SDK1: variants seen among roughly 807,000 people sequenced by gnomAD.
SDK1 encodes the protein sidekick cell adhesion molecule 1.
SDK1 carries 157 observed loss-of-function variants against 245.5 expected under a neutral mutation model. That is an observed-to-expected ratio of 0.64 (90% confidence interval 0.56 to 0.73). SDK1 has a LOEUF of 0.73. Ranked by LOEUF, SDK1 falls within the 30% of genes least tolerant of loss-of-function variation. The pLI, the probability that SDK1 is intolerant of heterozygous loss-of-function variation, is 0.00. For missense variants in SDK1, 3,583 were observed against 3,002.3 expected, an observed-to-expected ratio of 1.19 and a Z score of -4.52; for synonymous variants, 1,647 against 1,278.5, an observed-to-expected ratio of 1.29 and a Z score of -6.15.
intron 4 of SDK1, among the ~76,000 whole-genome samples, chr7:3,706,681 C>T (rs1193721446): frequency 6.6e-6 from 1 of 152,174 alleles, no homozygotes. Context: ...GGATTATAGG[C>T]GTGAGCCACT....
chr7:3,523,466 T>G lies in SDK1; in HGVS notation c.299-95614T>G, dbSNP rs117542430. 8.5e-3 allele frequency among the ~76,000 whole-genome samples: 1,287 copies of G among 152,224 alleles called. 15 individuals are homozygous for G. Among genetic ancestry groups the G allele is most frequent in the Middle Eastern group, 0.024 (7 of 294 alleles). On this transcript the variant is annotated intron_variant, in intron 1 of 44. Coordinates refer to ENST00000404826, the MANE Select transcript of SDK1 (RefSeq NM_152744.4). The stretch of plus-strand genomic sequence containing the variant: ...GGTAAGTTACCACTGAGTGCTAGAT[T>G]AGTGGATTAAAATGACCTTTCTACC...
chr7:4,188,530 G>T (rs1425296699), intron 35 of SDK1, among the ~76,000 whole-genome samples: 1 of 151,982 alleles, frequency 6.6e-6, no homozygotes, highest in Non-Finnish European at 1.5e-5. Context: ...CAAATACTTT[G>T]TCTTTAATTT....
At chr7:4,198,973 C>T (rs1016113574) in intron 35 of SDK1, among the ~76,000 whole-genome samples, 3 of 152,042 alleles carry the variant, frequency 2.0e-5, no homozygotes, top group African/African-American at 7.2e-5. Flanking sequence ...ACCACCACGC[C>T]TGGCTAATTT....
Position 4,009,018 on chromosome 7 carries a change from C to T in SDK1, c.2132-1948C>T, listed in dbSNP as rs115724983. On this transcript the variant is annotated intron_variant, in intron 14 of 44. Transcript: ENST00000404826. ...TACCATTTTATATTCAGAACAACCG[C>T]GAAATGGGGCGGAATTTCTTCACAT... is the stretch of plus-strand genomic sequence containing the variant. 4.7e-3 allele frequency among the ~76,000 whole-genome samples: 717 copies of T among 152,298 alleles called. 6 individuals carry two copies. Among genetic ancestry groups the T allele is most frequent in the African/African-American group, 0.016 (663 of 41,564 alleles).
At chr7:4,127,519 C>T in intron 26 of SDK1, 23 bp downstream of exon 26, 1 of 1,559,142 alleles carries the variant, frequency 6.4e-7, no homozygotes, top group South Asian at 1.1e-5. Context: ...AGGATGACCT[C>T]CCTTTGCTTA....
intron 2 of SDK1, among the ~76,000 whole-genome samples, chr7:3,637,091 G>GTA (rs1782481883): frequency 6.7e-6 from 1 of 149,752 alleles, no homozygotes; most frequent in South Asian, 2.1e-4. Flanking sequence ...GCGCGCGTGT[G>GTA]TGTGTGTGTG....
At chr7:3,928,331 C>A (rs1211005926) in intron 5 of SDK1, among the ~76,000 whole-genome samples, 1 of 152,078 alleles carries the variant, frequency 6.6e-6, no homozygotes, top group African/African-American at 2.4e-5. Context: ...CACAGTGAGC[C>A]AATAGTATTA....
intron 1 of SDK1, among the ~76,000 whole-genome samples, chr7:3,493,319 A>C (rs1237747050): frequency 6.6e-6 from 1 of 152,186 alleles, no homozygotes; most frequent in Non-Finnish European, 1.5e-5. Flanking sequence ...CTGTCCATTC[A>C]GGACATTTCT....
In SDK1 at chr7:4,061,199, G is replaced by T. The variant is rs916756262; in HGVS notation, c.2912-6639G>T. The stretch of plus-strand genomic sequence containing the variant: ...TGAAGAAAGTCATTGGTAGCTTGAT[G>T]GGGATGGCATTGAATCTATAAATTA... On this transcript the variant is annotated intron_variant, in intron 19 of 44. Coordinates refer to ENST00000404826, the MANE Select transcript of SDK1 (RefSeq NM_152744.4). Among the ~76,000 whole-genome samples the T allele has an allele frequency of 3.2e-3, 489 of 152,096 alleles. 2 individuals are homozygous for T. Among genetic ancestry groups the T allele is most frequent in the Middle Eastern group, 0.01 (3 of 294 alleles).
At chr7:4,160,750 G>A (rs1053609860) in intron 31 of SDK1, among the ~76,000 whole-genome samples, 1 of 152,188 alleles carries the variant, frequency 6.6e-6, no homozygotes, top group Non-Finnish European at 1.5e-5. Context: ...TGGCTAGAGG[G>A]CCCACCATTA....
rs535970191 is a variant in SDK1, at chr7:3,589,885, G to A, written c.299-29195G>A. Among the ~76,000 whole-genome samples the A allele has an allele frequency of 6.6e-4, 100 of 152,240 alleles. 4 individuals carry two copies. The South Asian group carries it at 0.02, about 30-fold the overall frequency. On this transcript the variant is annotated intron_variant, in intron 1 of 44. Coordinates refer to ENST00000404826, the MANE Select transcript of SDK1 (RefSeq NM_152744.4). ...ATTTGCATAATACCCAGACTGTGAG[G>A]AATAAGCCAAGTAATAAGCAATAAC...
At chr7:3,874,481 C>G (rs1487010758) in intron 5 of SDK1, among the ~76,000 whole-genome samples, 1 of 152,068 alleles carries the variant, frequency 6.6e-6, no homozygotes, top group African/African-American at 2.4e-5. Context: ...TAGGCAGGTG[C>G]CTGTGAATCT....
chr7:3,538,343 T>C (rs1002953656), intron 1 of SDK1, among the ~76,000 whole-genome samples: 1 of 152,202 alleles, frequency 6.6e-6, no homozygotes, highest in African/African-American at 2.4e-5. Context: ...TCCTGTGCTT[T>C]TTTTTTGTTT....
chr7:4,139,595 A>ATGTTTG (rs1562872159), intron 28 of SDK1, among the ~76,000 whole-genome samples: 8 of 65,714 alleles, frequency 1.2e-4, no homozygotes, highest in African/African-American at 4.7e-4. Context: ...GTGTGTGTAT[A>ATGTTTG]TGTATATATG....
chr7:3,608,065 C>T (rs920441939), intron 1 of SDK1, among the ~76,000 whole-genome samples: 10 of 152,294 alleles, frequency 6.6e-5, no homozygotes, highest in South Asian at 2.1e-4. Flanking sequence ...GGCACCTGAG[C>T]GCGTATCCCG....
intron 17 of SDK1, among the ~76,000 whole-genome samples, chr7:4,040,670 C>T (rs922955124): frequency 6.6e-6 from 1 of 152,098 alleles, no homozygotes; most frequent in Non-Finnish European, 1.5e-5. Context: ...ACCAGGTGTG[C>T]CATTTGCATA....
chr7:4,016,721 G>A (rs1179120416), intron 16 of SDK1, among the ~76,000 whole-genome samples: 1 of 152,122 alleles, frequency 6.6e-6, no homozygotes, highest in Non-Finnish European at 1.5e-5. Context: ...GGACAAACCT[G>A]CAATTCCTAA....
At chr7:3,694,348 G>T (rs1403705577) in intron 4 of SDK1, among the ~76,000 whole-genome samples, 1 of 152,102 alleles carries the variant, frequency 6.6e-6, no homozygotes, top group Non-Finnish European at 1.5e-5. Context: ...AGTACTTCAT[G>T]CAGGTTTCAT....
At chr7:3,832,482 A>G (rs1191755370) in intron 5 of SDK1, among the ~76,000 whole-genome samples, 1 of 152,214 alleles carries the variant, frequency 6.6e-6, no homozygotes, top group African/African-American at 2.4e-5. Flanking sequence ...GGTAATTAAA[A>G]TTGTAGTTCT....
Sources: gnomAD v4.1 joint callset for allele counts (sites outside exome capture counted in the v4.1 genomes callset) on GRCh38, gnomAD v4.1.1 for gene constraint, MANE v1.5 for transcripts, NCBI Gene and HGNC (gene_info 2026-07-23, HGNC 2026-07-21) for gene names.